CPLX2: variants seen among roughly 807,000 people sequenced by gnomAD.
CPLX2 encodes complexin 2.
In CPLX2, 5 loss-of-function variants were observed where a neutral mutation model predicts 16.3. The ratio of observed to expected loss-of-function variants is 0.31; its 90% confidence interval spans 0.16 to 0.64. CPLX2 has a LOEUF of 0.64. CPLX2 is among the 30% of genes least tolerant of loss of function. The probability of loss-of-function intolerance (pLI) is 0.79; values close to 1 mark genes in which losing one functional copy is unlikely to be tolerated. For synonymous variants in CPLX2, 89 were observed against 73.2 expected, an observed-to-expected ratio of 1.22 and a Z score of -1.10; for missense variants, 144 against 181.4, an observed-to-expected ratio of 0.79 and a Z score of 1.18.
chr5:175,847,481 C>T (rs1759068060), intron 2 of CPLX2, among the ~76,000 whole-genome samples: 5 of 152,200 alleles, frequency 3.3e-5, no homozygotes, highest in Admixed American at 3.3e-4. Context: ...GCGTGGCCCA[C>T]TCAGAGCCGC....
chr5:175,868,007 C>A (rs1409090531), upstream of CPLX2, among the ~76,000 whole-genome samples: 1 of 152,228 alleles, frequency 6.6e-6, no homozygotes, highest in African/African-American at 2.4e-5. Context: ...CTCGGGCACA[C>A]GGCCAACCTC....
chr5:175,878,790 C>G lies in CPLX2; in HGVS notation c.31+20C>G, dbSNP rs777197988. On this transcript the variant is annotated intron_variant, in intron 2 of 3. Transcript: ENST00000393745. Reference sequence around the variant, plus strand: ...TTGGAGGTGAGGTCCAGCGCCCCTCCGCGTGTCCTCAGCCGGTCCCACCCT... The same window carrying G: ...TTGGAGGTGAGGTCCAGCGCCCCTCGGCGTGTCCTCAGCCGGTCCCACCCT... 8 of 1,612,408 alleles carry G rather than the reference C, an allele frequency of 5.0e-6. No individual in the cohort carries two copies. The highest frequency in any genetic ancestry group is 6.8e-6 in the Non-Finnish European group (8 of 1,179,560).
rs566470917 is a variant in CPLX2 at position 175,880,761 on chromosome 5, C to G, written c.*716C>G. 1.3e-5 allele frequency: 2 copies of G among 153,104 alleles called. No individual in the cohort carries two copies. Among genetic ancestry groups the G allele is most frequent in the African/African-American group, 4.8e-5 (2 of 41,546 alleles). The allele number at this position is 153,104 out of a possible 1,614,324, so 9.5% of individuals were successfully genotyped here. Reference sequence around the variant, plus strand: ...ACGCCCCTTGTTCCTCACCCCCACCCCACTTAGGTCCTGGGCCCCCACTGC... The same window carrying G: ...ACGCCCCTTGTTCCTCACCCCCACCGCACTTAGGTCCTGGGCCCCCACTGC... On this transcript the variant is annotated 3_prime_UTR_variant, in exon 4 of 4. Transcript: ENST00000393745.
chr5:175,865,243 C>G (rs1439327084), intron 2 of CPLX2, among the ~76,000 whole-genome samples: 1 of 152,242 alleles, frequency 6.6e-6, no homozygotes, highest in Admixed American at 6.5e-5. Flanking sequence ...TTTAACAAGA[C>G]AGCAATAATG....
Position 175,818,650 on chromosome 5 carries a change from CTTTTTTTTT to C in CPLX2, c.-89+9603_-89+9611del, listed in dbSNP as rs70988300. ...CTGCAAAAGGAGCTGCTGTCCCAAC[CTTTTTTTTT>C]TTTTTTTTTTTTTTTTTTTTGAGAC... On this transcript the variant is annotated intron_variant, in intron 2 of 4. Transcript: ENST00000359546. Among the ~76,000 whole-genome samples, 13 of 50,864 alleles carry C rather than the reference CTTTTTTTTT, an allele frequency of 2.6e-4. No individual in the cohort carries two copies. In the East Asian group the frequency reaches 3.7e-3, roughly 14 times the overall value. 33.4% of individuals were successfully genotyped at this position (50,864 alleles called of 152,430 possible).
At position 175,882,455 on chromosome 5, in the gene CPLX2, G is replaced by A. The variant is rs1444062530; in HGVS notation, c.*2410G>A. The A allele has an allele frequency of 1.3e-5, 2 of 152,870 alleles. No homozygotes were observed. Among genetic ancestry groups the A allele is most frequent in the African/African-American group, 4.8e-5 (2 of 41,574 alleles). 9.5% of individuals were successfully genotyped at this position (152,870 alleles called of 1,614,324 possible). A position where few individuals can be genotyped will look rare whatever the true frequency, so the allele number is the denominator to read the frequency against. ...CAGAGAGTACCAGATAGGTAGCAGA[G>A]ACCAAGGCGCAGGGTGCTTCAGATG... On this transcript the variant is annotated 3_prime_UTR_variant, in exon 4 of 4. Transcript: ENST00000393745.
At chr5:175,879,226 G>A (rs1430714162) in intron 3 of CPLX2, 143 bp downstream of exon 3, 4 of 894,352 alleles carry the variant, frequency 4.5e-6, no homozygotes, top group South Asian at 3.6e-5. Context: ...TCAGCAAAAC[G>A]GGTATCACAA....
intron 1 of CPLX2, among the ~76,000 whole-genome samples, chr5:175,808,352 C>G (rs1431709774): frequency 6.6e-6 from 1 of 152,058 alleles, no homozygotes; most frequent in African/African-American, 2.4e-5. Context: ...TCTGCCCGGC[C>G]CCGTGCAGAG....
At chr5:175,870,217 C>T (rs542320144), upstream of CPLX2, among the ~76,000 whole-genome samples, 1 of 152,320 alleles carries the variant, frequency 6.6e-6, no homozygotes, top group Admixed American at 6.5e-5. Context: ...GAGGGGCCTT[C>T]CTTACACAAG....
At chr5:175,812,800 C>G (rs1308974453) in intron 2 of CPLX2, among the ~76,000 whole-genome samples, 2 of 152,200 alleles carry the variant, frequency 1.3e-5, no homozygotes, top group Non-Finnish European at 2.9e-5. Context: ...AGCCCTAGAT[C>G]CTCCAAATCC....
At chr5:175,859,374 T>C (rs1384855923) in intron 2 of CPLX2, among the ~76,000 whole-genome samples, 1 of 152,190 alleles carries the variant, frequency 6.6e-6, no homozygotes, top group East Asian at 1.9e-4. Context: ...AGATGCTTGA[T>C]GATCATAGCT....
chr5:175,852,172 C>A (rs543993791), intron 2 of CPLX2, among the ~76,000 whole-genome samples: 1 of 152,204 alleles, frequency 6.6e-6, no homozygotes, highest in Non-Finnish European at 1.5e-5. Flanking sequence ...TCCAGGAACA[C>A]TCTGATAGCC....
Position 175,849,663 on chromosome 5 carries a change from G to A in CPLX2, c.-88-28989G>A, listed in dbSNP as rs942550727. Among the ~76,000 whole-genome samples the A allele has an allele frequency of 8.5e-5, 13 of 152,048 alleles. No homozygotes were observed. Among genetic ancestry groups the A allele is most frequent in the Admixed American group, 1.3e-4 (2 of 15,276 alleles). On this transcript the variant is annotated intron_variant, in intron 2 of 4. Coordinates refer to the CPLX2 transcript ENST00000359546. This position sits in a 1 kb window ranked among gnomAD's most constrained non-coding sequence, Gnocchi z 4.4. Reference sequence around the variant, plus strand: ...GAGAAGCCCTCTGCCGCAGGTCCTCGTTGGGGTCATCATGGGAGAAGCCGG... The same window carrying A: ...GAGAAGCCCTCTGCCGCAGGTCCTCATTGGGGTCATCATGGGAGAAGCCGG...
In CPLX2 at chr5:175,830,039, G is replaced by A. The variant is rs1561776677; in HGVS notation, c.-89+20971G>A. 6.6e-6 allele frequency among the ~76,000 whole-genome samples: 1 copy of A among 152,186 alleles called. No homozygotes were observed. Among genetic ancestry groups the A allele is most frequent in the East Asian group, 1.9e-4 (1 of 5,192 alleles). On this transcript the variant is annotated intron_variant, in intron 2 of 4. Coordinates refer to the CPLX2 transcript ENST00000359546. This position sits in a 1 kb window ranked among gnomAD's most constrained non-coding sequence, Gnocchi z 4.0. ...GCCAGTCACAGGTCACTGCCTAGCGGTCTCTCTCATCCACCAGCGTGGCTG... is the reference window on the plus strand; with the variant it reads ...GCCAGTCACAGGTCACTGCCTAGCGATCTCTCTCATCCACCAGCGTGGCTG...
At chr5:175,859,820 G>A (rs972066760) in intron 2 of CPLX2, among the ~76,000 whole-genome samples, 13 of 152,234 alleles carry the variant, frequency 8.5e-5, no homozygotes, top group South Asian at 6.2e-4. Flanking sequence ...CTTCTTCTTT[G>A]AATGTGAGAA....
upstream of CPLX2, among the ~76,000 whole-genome samples, chr5:175,867,836 G>A (rs533250960): frequency 2.0e-5 from 3 of 152,186 alleles, no homozygotes; most frequent in Non-Finnish European, 4.4e-5. Context: ...CACACTTATG[G>A]GTTTGCCCTC....
At chr5:175,851,548 G>C (rs965179415) in intron 2 of CPLX2, among the ~76,000 whole-genome samples, 9 of 152,228 alleles carry the variant, frequency 5.9e-5, no homozygotes, top group Admixed American at 2.0e-4. Context: ...TGAAATGGGC[G>C]TAATAACTTC....
At chr5:175,874,416 G>T (rs1301406846) in intron 1 of CPLX2, among the ~76,000 whole-genome samples, 1 of 152,190 alleles carries the variant, frequency 6.6e-6, no homozygotes, top group African/African-American at 2.4e-5. Context: ...ACTGAATGCT[G>T]TGAGACCACT....
chr5:175,815,931 T>C (rs1188200636), intron 2 of CPLX2, among the ~76,000 whole-genome samples: 1 of 152,246 alleles, frequency 6.6e-6, no homozygotes, highest in Admixed American at 6.5e-5. Flanking sequence ...CATGAAGGGC[T>C]GTGGCATTGA....
Sources: gnomAD v4.1 joint callset for allele counts (sites outside exome capture counted in the v4.1 genomes callset) on GRCh38, gnomAD v4.1.1 for gene constraint, Gnocchi (gnomAD v3.1) non-coding constraint, MANE v1.5 for transcripts, NCBI Gene and HGNC (gene_info 2026-07-23, HGNC 2026-07-21) for gene names.